Variants in LRRK2 observed in about 807,000 individuals in gnomAD.
LRRK2 encodes leucine rich repeat kinase 2.
LRRK2 carries 203 observed loss-of-function variants against 302.6 expected under a neutral mutation model. That is an observed-to-expected ratio of 0.67 (90% CI 0.60 to 0.75). LRRK2 has a LOEUF of 0.75. LRRK2 is among the 30% of genes least tolerant of loss of function. The pLI is 0.00. For missense variants in LRRK2, 2,830 were observed against 2,951.0 expected (o/e 0.96, Z 0.95); for synonymous variants, 1,066 against 1,031.9 (o/e 1.03, Z -0.63).
At chr12:40,323,815 GA>G (rs1945470367) in intron 38 of LRRK2, among the ~76,000 whole-genome samples, 8 of 114,718 alleles carry the variant, frequency 7.0e-5, no homozygotes, top group African/African-American at 2.3e-4. Flanking sequence ...TTTTTTTTTT[GA>G]TATGCTGAAC....
intron 14 of LRRK2, among the ~76,000 whole-genome samples, chr12:40,273,167 A>G (rs1315531768): frequency 6.6e-6 from 1 of 152,112 alleles, no homozygotes; most frequent in African/African-American, 2.4e-5. Flanking sequence ...ATTTCTTTAT[A>G]TTTCTTGAAT....
At chr12:40,266,831 G>T (rs965253652) in intron 14 of LRRK2, among the ~76,000 whole-genome samples, 6 of 152,008 alleles carry the variant, frequency 3.9e-5, no homozygotes, top group African/African-American at 1.2e-4. Context: ...CATAAAAAAT[G>T]ATGAGTTCAT....
At chr12:40,232,536 T>C in intron 3 of LRRK2, 153 bp downstream of exon 3, 1 of 645,694 alleles carries the variant, frequency 1.5e-6, no homozygotes. Flanking sequence ...GATTTACATT[T>C]ATAGAGAGCT....
At position 40,363,542 on chromosome 12, in the gene LRRK2, T is replaced by C. The variant is rs376230626; in HGVS notation, c.7169T>C (p.Val2390Ala). 5.0e-6 allele frequency: 8 copies of C among 1,611,478 alleles called. No individual in the cohort carries two copies. The highest frequency in any genetic ancestry group is 5.9e-6 in the Non-Finnish European group (7 of 1,178,368). ...TEKLCGLIDCVHFLREVMVKE... is the reference protein window; with the variant it reads ...TEKLCGLIDCAHFLREVMVKE... ...AAACTCTGTGGACTAATAGACTGCGTGCACTTTTTAAGGTAAATTCTGTGG... is the reference window on the plus strand; with the variant it reads ...AAACTCTGTGGACTAATAGACTGCGCGCACTTTTTAAGGTAAATTCTGTGG... The change falls in exon 48 of 51, where the codon GTG becomes GCG. Residue 2390 changes from valine to alanine, a missense_variant. By Grantham distance (64) the Val-to-Ala change is moderately conservative. Transcript: ENST00000298910.
rs78583245 is a variant in LRRK2, at chr12:40,229,002, C to T, written c.238-3272C>T. ...CATACAATCTACTAGCTGCTGAATT[C>T]GCAAGCTTTTTGTGCAAGCTAGTAA... On this transcript the variant is annotated intron_variant, in intron 2 of 50. Coordinates refer to ENST00000298910, the MANE Select transcript of LRRK2 (RefSeq NM_198578.4). Among the ~76,000 whole-genome samples the T allele has an allele frequency of 3.4e-3, 515 of 152,250 alleles. 2 individuals carry two copies. The highest frequency in any genetic ancestry group is 5.6e-3 in the Non-Finnish European group (381 of 68,002).
rs1243305899 is a variant in LRRK2, at chr12:40,309,155, A to T, written c.4239A>T (p.Ala1413=). Residue 1413 remains alanine (A), a synonymous_variant, in exon 30 of 51, where the codon GCA becomes GCT. Transcript: ENST00000298910. ...ATCCCCATTTTATGACGCAGCGAGC[A>T]TTGTACCTTGCTGTCTATGACCTCA... ...STHPHFMTQR[A]LYLAVYDLSK... is the part of the protein sequence containing the mutation. 6.2e-7 allele frequency: 1 copy of T among 1,613,924 alleles called. No homozygotes were observed. The highest frequency in any genetic ancestry group is 8.5e-7 in the Non-Finnish European group (1 of 1,179,904).
At chr12:40,259,378 T>TA in intron 12 of LRRK2, 102 bp from the exon 13 acceptor site, 2 of 1,413,214 alleles carry the variant, frequency 1.4e-6, no homozygotes, top group Admixed American at 3.4e-5. Flanking sequence ...TCTTTCCTGA[T>TA]AAAATATATT....
At position 40,251,346 on chromosome 12, in the gene LRRK2, C is replaced by T. The variant is rs141262110; in HGVS notation, c.1073C>T (p.Thr358Met). 305 of 1,613,524 alleles carry T rather than the reference C, an allele frequency of 1.9e-4. No individual in the cohort carries two copies. Among genetic ancestry groups the T allele is most frequent in the Non-Finnish European group, 2.4e-4 (282 of 1,179,758 alleles). Residue 358 changes from threonine (T) to methionine (M), a missense_variant, in exon 9 of 51, where the codon ACG (threonine) becomes ATG (methionine). By Grantham distance (81) the Thr-to-Met change is moderately conservative. This residue lies in a region of LRRK2 where 2,121 missense variants were observed against 2,148.0 expected (regional missense o/e 0.99). Transcript: ENST00000298910. ...FWLEACYKALTWHRKNKHVQE... is the reference protein window; with the variant it reads ...FWLEACYKALMWHRKNKHVQE... ...CTGGAAGCCTGTTACAAAGCATTAA[C>T]GTGGCATAGAAAGAACAAGCACGTG...
At chr12:40,265,896 T>C (rs1304587399) in intron 14 of LRRK2, among the ~76,000 whole-genome samples, 2 of 152,142 alleles carry the variant, frequency 1.3e-5, no homozygotes, top group Non-Finnish European at 2.9e-5. Context: ...AAACAAGAAA[T>C]GGGGAAACGA....
intron 20 of LRRK2, among the ~76,000 whole-genome samples, chr12:40,291,431 AATATAT>A (rs57902292): frequency 1.4e-5 from 2 of 146,340 alleles, no homozygotes; most frequent in African/African-American, 2.5e-5. Flanking sequence ...AGTATAATAA[AATATAT>A]ATATATATAT....
intron 40 of LRRK2, among the ~76,000 whole-genome samples, chr12:40,336,885 T>C (rs753356051): frequency 6.6e-5 from 10 of 152,156 alleles, no homozygotes; most frequent in Non-Finnish European, 1.5e-4. Context: ...CTTCCACAAA[T>C]CCCCAAAGTG....
chr12:40,340,326 ACC>A lies in LRRK2; in HGVS notation c.5982_5983del (p.Leu1995GlufsTer22). On this transcript the variant is annotated frameshift_variant, in exon 41 of 51. Transcript: ENST00000298910. LOFTEE classifies it high-confidence loss of function. ...CACTCAGCCATGATTATATACCGAG[ACC>A]TGAAACCCCACAATGTGCTGCTTTT... The A allele has an allele frequency of 6.2e-7, 1 of 1,613,844 alleles. No homozygotes were observed. The highest frequency in any genetic ancestry group is 8.5e-7 in the Non-Finnish European group (1 of 1,179,802).
In LRRK2 at chr12:40,228,795, C is replaced by T. The variant is rs77924679; in HGVS notation, c.237+3155C>T. On this transcript the variant is annotated intron_variant, in intron 2 of 50. Coordinates refer to ENST00000298910, the MANE Select transcript of LRRK2 (RefSeq NM_198578.4). The stretch of plus-strand genomic sequence containing the variant: ...TGTGTATATGGTGAAAGCTGTGGAT[C>T]TAGTTTCCTTCTTTTGCACAGCCAA... Among the ~76,000 whole-genome samples, 349 of 152,210 alleles carry T rather than the reference C, an allele frequency of 2.3e-3. 3 individuals carry two copies. Among genetic ancestry groups the T allele is most frequent in the East Asian group, 2.3e-3 (12 of 5,184 alleles).
intron 18 of LRRK2, among the ~76,000 whole-genome samples, chr12:40,283,328 A>T (rs920270079): frequency 6.6e-6 from 1 of 152,220 alleles, no homozygotes; most frequent in Non-Finnish European, 1.5e-5. Flanking sequence ...AGACTGAGAG[A>T]CAAGGTATAT....
chr12:40,278,402 G>A (rs1943551444), intron 18 of LRRK2, 141 bp downstream of exon 18: 1 of 1,039,734 alleles, frequency 9.6e-7, no homozygotes, highest in Non-Finnish European at 1.5e-6. Context: ...TTTGTGTCTT[G>A]TAGTAGATTT....
intron 28 of LRRK2, among the ~76,000 whole-genome samples, chr12:40,306,840 T>G (rs2136802135): frequency 6.6e-6 from 1 of 152,304 alleles, no homozygotes; most frequent in Middle Eastern, 3.4e-3. Flanking sequence ...GGAAGGATTT[T>G]GTTTTCTGAA....
chr12:40,315,242 T>A lies in LRRK2; in HGVS notation c.4769T>A (p.Leu1590Gln). The change falls in exon 33 of 51, where the codon CTG becomes CAG. Residue 1590 changes from leucine (L) to glutamine (Q), a missense_variant. Coordinates refer to ENST00000298910, the MANE Select transcript of LRRK2 (RefSeq NM_198578.4). Reference protein sequence around the residue: ...GVLLHFQDPALQLSDLYFVEP... With the variant: ...GVLLHFQDPAQQLSDLYFVEP... ...CTTCTTCATTTTCAAGACCCAGCAC[T>A]GCAGTTAAGTGACTTGTACTTTGTG... 1 of 1,612,706 alleles carries A rather than the reference T, an allele frequency of 6.2e-7. No homozygotes were observed.
intron 35 of LRRK2, 69 bp from the exon 36 acceptor site, chr12:40,321,966 T>C: frequency 6.8e-7 from 1 of 1,462,370 alleles, no homozygotes; most frequent in Non-Finnish European, 9.6e-7. Flanking sequence ...CAATCACTTG[T>C]GTTGTGTGCA....
chr12:40,295,008 G>T, intron 22 of LRRK2, 94 bp downstream of exon 22: 2 of 777,904 alleles, frequency 2.6e-6, no homozygotes, highest in Non-Finnish European at 4.4e-6. Flanking sequence ...TATTCTTGGT[G>T]CCAGTTTCAT....
Sources: allele counts gnomAD v4.1 joint callset (sites outside exome capture counted in the v4.1 genomes callset), GRCh38; gene constraint gnomAD v4.1.1; regional missense constraint gnomAD v4.1.1; transcripts MANE v1.5; gene names NCBI Gene and HGNC (gene_info 2026-07-23, HGNC 2026-07-21).